OSBP2: variants seen among roughly 807,000 people sequenced by gnomAD.
OSBP2 encodes oxysterol binding protein 2.
In OSBP2, 66 loss-of-function variants were observed where a neutral mutation model predicts 96.0. That is an observed-to-expected ratio of 0.69 (90% CI 0.56 to 0.84). OSBP2 has a LOEUF of 0.84. Among genes scored for constraint, OSBP2 ranks in the 40% least tolerant of loss-of-function variants. The pLI is 0.00. For missense variants in OSBP2, 1,038 were observed against 1,222.7 expected, an observed-to-expected ratio of 0.85 and a Z score of 2.25; for synonymous variants, 525 against 520.9, an observed-to-expected ratio of 1.01 and a Z score of -0.11.
At chr22:30,859,659 T>G (rs1016572488) in intron 2 of OSBP2, among the ~76,000 whole-genome samples, 1 of 152,188 alleles carries the variant, frequency 6.6e-6, no homozygotes, top group Non-Finnish European at 1.5e-5. Flanking sequence ...TGGGAGGACA[T>G]GGCCTATAAC....
At chr22:30,811,238 T>C (rs2091002223) in intron 2 of OSBP2, among the ~76,000 whole-genome samples, 1 of 151,392 alleles carries the variant, frequency 6.6e-6, no homozygotes, top group African/African-American at 2.4e-5. Context: ...CTTTTTTCCT[T>C]ATCAATGTAT....
At chr22:30,887,702 C>T (rs1436839643) in intron 4 of OSBP2, 84 bp downstream of exon 4, 1 of 1,210,338 alleles carries the variant, frequency 8.3e-7, no homozygotes, top group Non-Finnish European at 1.1e-6. Flanking sequence ...CCCACATGCA[C>T]ATCCCTGGCT....
intron 1 of OSBP2, among the ~76,000 whole-genome samples, chr22:30,702,352 G>A (rs1201245095): frequency 2.0e-5 from 3 of 152,192 alleles, no homozygotes; most frequent in African/African-American, 7.2e-5. Context: ...GGTGGCTCAC[G>A]CCTGTAATCC....
chr22:30,727,386 C>T (rs1315807584), intron 1 of OSBP2, among the ~76,000 whole-genome samples: 1 of 152,086 alleles, frequency 6.6e-6, no homozygotes, highest in Non-Finnish European at 1.5e-5. Flanking sequence ...TCAAAAACCA[C>T]AGAAAACCAA....
Position 30,870,464 on chromosome 22 carries a change from G to A in OSBP2, c.889G>A (p.Ala297Thr). ...SGDDDEATTP[A>T]DKSELHHTLK... ...GGACGACGACGAGGCTACCACCCCA[G>A]CCGACAAGAGCGAGCTGCACCACAC... The change falls in exon 3 of 14, where the codon GCC becomes ACC. Residue 297 changes from alanine (A) to threonine (T), a missense_variant. Around this residue, in one of 3 missense-constraint regions of OSBP2, gnomAD observed 737 missense variants for 913.3 expected, o/e 0.81. Transcript: ENST00000332585. The surrounding 1 kb of genome is among the most constrained non-coding windows in gnomAD (Gnocchi z 4.1). 1 of 1,613,984 alleles carries A rather than the reference G, an allele frequency of 6.2e-7. No homozygotes were observed. The highest frequency in any genetic ancestry group is 1.1e-5 in the South Asian group (1 of 91,080).
chr22:30,799,657 C>T (rs1023404239), intron 2 of OSBP2, among the ~76,000 whole-genome samples: 1 of 152,198 alleles, frequency 6.6e-6, no homozygotes, highest in African/African-American at 2.4e-5. Context: ...AGAGTGTTAT[C>T]TCAGTTACTA....
chr22:30,845,771 A>T (rs577998245), intron 2 of OSBP2, among the ~76,000 whole-genome samples: 1 of 150,336 alleles, frequency 6.7e-6, no homozygotes, highest in South Asian at 2.1e-4. Flanking sequence ...AATCCCAGCT[A>T]CCTGGGAGGC....
intron 3 of OSBP2, 43 bp from the exon 4 acceptor site, chr22:30,887,383 T>A: frequency 6.4e-7 from 1 of 1,565,722 alleles, no homozygotes; most frequent in Non-Finnish European, 8.7e-7. Context: ...GATGGGCCCC[T>A]GCCAGAGGCC....
chr22:30,702,591 G>C (rs1018733115), intron 1 of OSBP2, among the ~76,000 whole-genome samples: 2 of 152,164 alleles, frequency 1.3e-5, no homozygotes, highest in South Asian at 4.1e-4. Context: ...TCCAGCCTGG[G>C]TGACAGAGTG....
intron 2 of OSBP2, among the ~76,000 whole-genome samples, chr22:30,825,675 G>A (rs552342216): frequency 7.9e-5 from 12 of 152,276 alleles, no homozygotes; most frequent in South Asian, 4.1e-4. Flanking sequence ...TGGTTGGAAC[G>A]TAAGTCACGA....
At chr22:30,791,117 G>C (rs923123089) in intron 2 of OSBP2, among the ~76,000 whole-genome samples, 9 of 151,474 alleles carry the variant, frequency 5.9e-5, no homozygotes, top group Non-Finnish European at 1.5e-5. Context: ...CCAAGTAGCT[G>C]AGTGCCCACC....
rs1386927718 is a variant in OSBP2, at chr22:30,709,165, A to G, written c.644+13612A>G. On this transcript the variant is annotated intron_variant, in intron 1 of 13. Transcript: ENST00000332585. The stretch of plus-strand genomic sequence containing the variant: ...AACATATCCACAATACCACTATTAC[A>G]ACTAAAACAAGTTAACAATCATTCC... 3.3e-5 allele frequency among the ~76,000 whole-genome samples: 5 copies of G among 152,288 alleles called. No individual in the cohort carries two copies. The South Asian group carries it at 1.0e-3, about 32-fold the overall frequency.
intron 2 of OSBP2, among the ~76,000 whole-genome samples, chr22:30,808,681 G>A (rs1467251668): frequency 2.6e-5 from 4 of 152,152 alleles, no homozygotes; most frequent in Non-Finnish European, 4.4e-5. Context: ...TATGCCGGGC[G>A]TGGTGGCTGA....
At chr22:30,753,496 G>T (rs2090103168) in intron 2 of OSBP2, among the ~76,000 whole-genome samples, 1 of 152,140 alleles carries the variant, frequency 6.6e-6, no homozygotes, top group Non-Finnish European at 1.5e-5. Context: ...ACAGCTCCGT[G>T]CTCCTTCCCT....
Position 30,870,645 on chromosome 22 carries a change from C to T in OSBP2, c.1070C>T (p.Ala357Val). 1.2e-6 allele frequency: 2 copies of T among 1,613,834 alleles called. No individual in the cohort carries two copies. Among genetic ancestry groups the T allele is most frequent in the South Asian group, 2.2e-5 (2 of 91,082 alleles). Residue 357 changes from alanine (A) to valine (V), a missense_variant, in exon 3 of 14, where the codon GCC (alanine) becomes GTC (valine). Physicochemically the swap from Ala to Val is moderately conservative, Grantham distance 64 (BLOSUM62 0). Around this residue, in one of 3 missense-constraint regions of OSBP2, gnomAD observed 737 missense variants for 913.3 expected, o/e 0.81. Transcript: ENST00000332585. The surrounding 1 kb of genome is among the most constrained non-coding windows in gnomAD (Gnocchi z 4.1). ...GEKLKVVNER[A>V]TLFRITSNAM... The stretch of plus-strand genomic sequence containing the variant: ...AAGCTGAAGGTGGTGAATGAGCGGG[C>T]CACCCTCTTCCGCATCACATCCAAT...
chr22:30,814,652 C>G (rs1300028802), intron 2 of OSBP2, among the ~76,000 whole-genome samples: 1 of 152,112 alleles, frequency 6.6e-6, no homozygotes, highest in Non-Finnish European at 1.5e-5. Context: ...TGGTCTCAAA[C>G]TCCTGACCTC....
chr22:30,867,946 T>C (rs2039379188), intron 2 of OSBP2, among the ~76,000 whole-genome samples: 2 of 152,214 alleles, frequency 1.3e-5, no homozygotes, highest in Non-Finnish European at 2.9e-5. Context: ...GTTCTGGTTA[T>C]TAGATGTACT....
At chr22:30,759,884 G>A (rs1347823444) in intron 2 of OSBP2, among the ~76,000 whole-genome samples, 2 of 151,586 alleles carry the variant, frequency 1.3e-5, no homozygotes, top group African/African-American at 4.9e-5. Flanking sequence ...TTTTGAGACA[G>A]TGTCTCGCTC....
At chr22:30,787,762 T>C (rs1362132447) in intron 2 of OSBP2, among the ~76,000 whole-genome samples, 2 of 152,264 alleles carry the variant, frequency 1.3e-5, no homozygotes, top group East Asian at 3.9e-4. Context: ...ATGGGGATTA[T>C]GGGATTACAA....
Sources: allele counts gnomAD v4.1 joint callset (sites outside exome capture counted in the v4.1 genomes callset), GRCh38; gene constraint gnomAD v4.1.1; regional missense constraint gnomAD v4.1.1; non-coding constraint Gnocchi (gnomAD v3.1); transcripts MANE v1.5; gene names NCBI Gene and HGNC (gene_info 2026-07-23, HGNC 2026-07-21).